ZNF664: variants seen among roughly 807,000 people sequenced by gnomAD.
The protein encoded by ZNF664 is zinc finger Organ of Corti 1.
ZNF664 carries 10 observed loss-of-function variants against 18.2 expected under a neutral mutation model. That is an observed-to-expected ratio of 0.55 (90% CI 0.34 to 0.93). ZNF664 has a LOEUF of 0.93. Ranked by LOEUF, ZNF664 falls within the 40% of genes least tolerant of loss-of-function variation. The pLI, the probability that ZNF664 is intolerant of heterozygous loss-of-function variation, is 0.02. For missense variants in ZNF664, 193 were observed against 319.0 expected (o/e 0.61, Z 3.01); for synonymous variants, 119 against 104.2 (o/e 1.14, Z -0.86).
rs1423980961 is a variant in ZNF664 at position 124,012,415 on chromosome 12, G to A, written c.271G>A (p.Glu91Lys). The A allele has an allele frequency of 1.9e-6, 3 of 1,614,196 alleles. No individual in the cohort carries two copies. Among genetic ancestry groups the A allele is most frequent in the Non-Finnish European group, 2.5e-6 (3 of 1,180,046 alleles). ...AGTGGAGAAGCCCTATAAATGTTAC[G>A]AGTGTGGCAAAGCCTTCAATTGGAG... is the stretch of plus-strand genomic sequence containing the variant. Reference protein sequence around the residue: ...HTVEKPYKCYECGKAFNWSSH... With the variant: ...HTVEKPYKCYKCGKAFNWSSH... Residue 91 changes from glutamate to lysine, a missense_variant, in exon 5 of 5, where the codon GAG becomes AAG. Coordinates refer to ENST00000337815, the MANE Select transcript of ZNF664 (RefSeq NM_152437.3).
intron 3 of ZNF664, among the ~76,000 whole-genome samples, chr12:123,989,086 G>T (rs1203955591): frequency 5.3e-5 from 8 of 152,198 alleles, no homozygotes; most frequent in Admixed American, 5.2e-4. Context: ...GCAACAAGGA[G>T]GATTGGCTGT....
chr12:123,981,128 G>A (rs765721897), intron 2 of ZNF664, among the ~76,000 whole-genome samples: 14 of 152,202 alleles, frequency 9.2e-5, no homozygotes, highest in African/African-American at 3.4e-4. Context: ...GGTGGCTTGA[G>A]TTAAGTTGAG....
intron 3 of ZNF664, among the ~76,000 whole-genome samples, chr12:123,997,521 T>C (rs1566203161): frequency 6.6e-6 from 1 of 152,220 alleles, no homozygotes; most frequent in Non-Finnish European, 1.5e-5. Context: ...TTCCTTGGCT[T>C]GTAGACATAT....
chr12:123,976,713 G>A (rs1956696711), intron 2 of ZNF664, among the ~76,000 whole-genome samples: 1 of 151,990 alleles, frequency 6.6e-6, no homozygotes, highest in African/African-American at 2.4e-5. Context: ...GCCTGGAAGA[G>A]ACGTGAGCTT....
rs149949898 is a variant in ZNF664 at position 124,011,173 on chromosome 12, A to G, written c.-660-208A>G. 15 of 413,792 alleles carry G rather than the reference A, an allele frequency of 3.6e-5. No homozygotes were observed. The East Asian group carries it at 2.2e-3, about 62-fold the overall frequency. The allele number at this position is 413,792 out of a possible 1,614,324, so 25.6% of individuals were successfully genotyped here. A position where few individuals can be genotyped will look rare whatever the true frequency, so the allele number is the denominator to read the frequency against. On this transcript the variant is annotated intron_variant, in intron 3 of 4. Coordinates refer to ENST00000337815, the MANE Select transcript of ZNF664 (RefSeq NM_152437.3). ...AAGGCAGCAATGTTGTACCTTCTGAAGTTCAAAGTGGAGATCGTTTTCATT... is the reference window on the plus strand; with the variant it reads ...AAGGCAGCAATGTTGTACCTTCTGAGGTTCAAAGTGGAGATCGTTTTCATT...
In ZNF664 at chr12:124,012,135, A is replaced by C; in HGVS notation, c.-10A>C. On this transcript the variant is annotated 5_prime_UTR_variant, in exon 5 of 5. Transcript: ENST00000337815. ...TTTTCTCCTTGAAATCACGATACCAAATAGGAAAAATGATCTACAAGTGCC... is the reference window on the plus strand; with the variant it reads ...TTTTCTCCTTGAAATCACGATACCACATAGGAAAAATGATCTACAAGTGCC... The C allele has an allele frequency of 1.3e-6, 2 of 1,594,152 alleles. No individual in the cohort carries two copies. The highest frequency in any genetic ancestry group is 1.1e-5 in the South Asian group (1 of 87,054).
At chr12:123,994,506 A>G (rs1380850044) in intron 3 of ZNF664, among the ~76,000 whole-genome samples, 1 of 152,172 alleles carries the variant, frequency 6.6e-6, no homozygotes, top group Non-Finnish European at 1.5e-5. Flanking sequence ...CATTTTGGCA[A>G]CTCTTTAAAT....
At chr12:123,988,803 A>G (rs759541710) in intron 3 of ZNF664, among the ~76,000 whole-genome samples, 15 of 152,058 alleles carry the variant, frequency 9.9e-5, no homozygotes, top group Non-Finnish European at 1.8e-4. Flanking sequence ...TCAAGAAGGC[A>G]ACATATATAG....
At chr12:123,986,040 G>T (rs1215513230) in intron 2 of ZNF664, among the ~76,000 whole-genome samples, 1 of 151,724 alleles carries the variant, frequency 6.6e-6, no homozygotes, top group Non-Finnish European at 1.5e-5. Flanking sequence ...TAGGGACTGT[G>T]CCTATATACC....
chr12:124,006,211 T>C lies in ZNF664; in HGVS notation c.-660-5170T>C, dbSNP rs183524430. On this transcript the variant is annotated intron_variant, in intron 3 of 4. Coordinates refer to ENST00000337815, the MANE Select transcript of ZNF664 (RefSeq NM_152437.3). ...ACATCGATTGTAGCTTACCAACCTC[T>C]ACCTCCATGTAAATAGTTGGCATTC... The C allele has an allele frequency of 2.6e-5, 4 of 152,438 alleles. No homozygotes were observed. In the East Asian group the frequency reaches 7.7e-4, roughly 29 times the overall value. The allele number at this position is 152,438 out of a possible 1,614,324, so 9.4% of individuals were successfully genotyped here. A position where few individuals can be genotyped will look rare whatever the true frequency, so the allele number is the denominator to read the frequency against.
chr12:123,983,956 G>T (rs1026263546), intron 2 of ZNF664, among the ~76,000 whole-genome samples: 6 of 151,966 alleles, frequency 3.9e-5, no homozygotes, highest in African/African-American at 1.5e-4. Flanking sequence ...TTGGCAACTA[G>T]AGGTAGTAAC....
intron 2 of ZNF664, among the ~76,000 whole-genome samples, chr12:123,984,205 C>T (rs1257896946): frequency 6.6e-6 from 1 of 152,182 alleles, no homozygotes; most frequent in Non-Finnish European, 1.5e-5. Context: ...TTTACAAGAG[C>T]TTGCCCGGCC....
chr12:123,989,010 C>T (rs1956856762), intron 3 of ZNF664, among the ~76,000 whole-genome samples: 3 of 152,162 alleles, frequency 2.0e-5, no homozygotes, highest in Non-Finnish European at 1.5e-5. Context: ...CTTGTCATTT[C>T]CCCTGCTGCC....
In ZNF664 at chr12:123,973,977, C is replaced by G. The variant is rs1247705490; in HGVS notation, c.-800C>G. ...AGCGCAGAAGGCTGCTGCCGCCGGA[C>G]GCCTCCATTGTTTGACCACAACAAG... On this transcript the variant is annotated 5_prime_UTR_variant, in exon 2 of 5. Transcript: ENST00000337815. 2.4e-6 allele frequency: 3 copies of G among 1,231,788 alleles called. No individual in the cohort carries two copies. The South Asian group carries it at 1.2e-4, about 51-fold the overall frequency. The allele number at this position is 1,231,788 out of a possible 1,614,324, so 76.3% of individuals were successfully genotyped here.
chr12:123,973,507 G>A, intron 1 of ZNF664, 155 bp downstream of exon 1: 2 of 449,058 alleles, frequency 4.5e-6, no homozygotes, highest in East Asian at 1.6e-4. Context: ...GGGATGGCGG[G>A]GAAGGTCAGA....
intron 3 of ZNF664, among the ~76,000 whole-genome samples, chr12:123,991,364 T>C (rs1464172492): frequency 2.0e-5 from 3 of 152,142 alleles, no homozygotes; most frequent in African/African-American, 4.8e-5. Flanking sequence ...GGAAAAGTTA[T>C]GGGTGGGAAC....
intron 3 of ZNF664, among the ~76,000 whole-genome samples, chr12:124,001,833 A>G (rs1957016220): frequency 6.6e-6 from 1 of 152,266 alleles, no homozygotes; most frequent in African/African-American, 2.4e-5. Flanking sequence ...CATAGGTTAG[A>G]CACTCAGTAA....
At chr12:123,985,531 G>A (rs1267602979) in intron 2 of ZNF664, among the ~76,000 whole-genome samples, 5 of 152,186 alleles carry the variant, frequency 3.3e-5, no homozygotes, top group African/African-American at 7.2e-5. Flanking sequence ...AAAACTAATA[G>A]TATGGCTAAT....
intron 3 of ZNF664, among the ~76,000 whole-genome samples, chr12:124,000,500 AT>A (rs1176204986): frequency 6.6e-6 from 1 of 151,460 alleles, no homozygotes; most frequent in Non-Finnish European, 1.5e-5. Flanking sequence ...TCTCATTTTT[AT>A]TTCTTCCCTG....
Sources: allele counts gnomAD v4.1 joint callset (sites outside exome capture counted in the v4.1 genomes callset), GRCh38; gene constraint gnomAD v4.1.1; transcripts MANE v1.5; gene names NCBI Gene and HGNC (gene_info 2026-07-23, HGNC 2026-07-21).